Variants in CCSER1 observed in about 807,000 individuals in gnomAD.
The protein encoded by CCSER1 is serine-rich coiled-coil domain-containing protein 1.
CCSER1 carries 41 observed loss-of-function variants against 82.0 expected under a neutral mutation model. The observed-to-expected ratio is 0.50, with a 90% CI of 0.39 to 0.65. CCSER1 has a LOEUF of 0.65. Among genes scored for constraint, CCSER1 ranks in the 30% least tolerant of loss-of-function variants. The pLI, the probability that CCSER1 is intolerant of heterozygous loss-of-function variation, is 0.00. For synonymous variants in CCSER1, 414 were observed against 383.9 expected (o/e 1.08, Z -0.92); for missense variants, 1,119 against 1,064.2 (o/e 1.05, Z -0.72).
intron 1 of CCSER1, among the ~76,000 whole-genome samples, chr4:90,170,105 C>G (rs1731347900): frequency 6.6e-6 from 1 of 151,964 alleles, no homozygotes; most frequent in Non-Finnish European, 1.5e-5. Flanking sequence ...GTCCCAGCAT[C>G]TTGACTCCTA....
intron 10 of CCSER1, among the ~76,000 whole-genome samples, chr4:91,166,263 CTTA>C (rs1463641538): frequency 2.6e-5 from 4 of 152,052 alleles, no homozygotes; most frequent in Admixed American, 6.5e-5. Context: ...TAAATTTTGT[CTTA>C]TAAGTTGTCA....
chr4:91,401,271 C>T (rs1752298187), intron 10 of CCSER1, among the ~76,000 whole-genome samples: 1 of 148,416 alleles, frequency 6.7e-6, no homozygotes, highest in African/African-American at 2.5e-5. Context: ...TAGTTATATA[C>T]TATGCTACAT....
intron 6 of CCSER1, among the ~76,000 whole-genome samples, chr4:90,675,723 TTTTTTTTTTTTTTTTTA>T (rs1733762553): frequency 9.5e-4 from 1 of 1,048 alleles, no homozygotes; most frequent in Non-Finnish European, 2.3e-3. Flanking sequence ...TTTTTTTTTT[TTTTTTTTTTTTTTTTTA>T]TTATACTCTA....
chr4:90,650,604 T>C lies in CCSER1; in HGVS notation c.1932+22372T>C, dbSNP rs183139563. 5.4e-4 allele frequency among the ~76,000 whole-genome samples: 82 copies of C among 152,332 alleles called. 1 individual carries two copies. The East Asian group carries it at 0.011, about 21-fold the overall frequency. ...TCTTCAACAGCTAATATCTACTCTT[T>C]AATATGTTACCCCACTTTACACTCA... is the stretch of plus-strand genomic sequence containing the variant. On this transcript the variant is annotated intron_variant, in intron 6 of 10. Transcript: ENST00000509176.
intron 3 of CCSER1, among the ~76,000 whole-genome samples, chr4:90,373,926 A>G (rs1032314949): frequency 1.3e-5 from 2 of 152,150 alleles, no homozygotes. Context: ...CCCCCTTTGC[A>G]TTCCCCTGGG....
intron 9 of CCSER1, among the ~76,000 whole-genome samples, chr4:91,057,272 T>G (rs1300636582): frequency 6.6e-6 from 1 of 152,098 alleles, no homozygotes; most frequent in Non-Finnish European, 1.5e-5. Flanking sequence ...AATTCATGGT[T>G]CAAGCTTTCC....
chr4:90,247,974 C>CA (rs1162254881), intron 1 of CCSER1, among the ~76,000 whole-genome samples: 1 of 151,492 alleles, frequency 6.6e-6, no homozygotes. Flanking sequence ...TTTTTTGGGT[C>CA]AAAAAATACG....
At chr4:90,523,354 A>C (rs1213585908) in intron 5 of CCSER1, among the ~76,000 whole-genome samples, 1 of 152,082 alleles carries the variant, frequency 6.6e-6, no homozygotes, top group Non-Finnish European at 1.5e-5. Context: ...ATTTGTTTCT[A>C]TTTGTATTGT....
At chr4:90,369,436 TA>T (rs1262245981) in intron 3 of CCSER1, among the ~76,000 whole-genome samples, 1 of 127,466 alleles carries the variant, frequency 7.8e-6, no homozygotes, top group Non-Finnish European at 1.7e-5. Context: ...CACAGAGGTA[TA>T]AAAAAAGAGA....
intron 10 of CCSER1, among the ~76,000 whole-genome samples, chr4:91,415,812 G>A (rs1373824339): frequency 6.6e-6 from 1 of 152,126 alleles, no homozygotes; most frequent in African/African-American, 2.4e-5. Context: ...TCGTTTGCCA[G>A]TATTTTAATA....
At chr4:91,518,836 G>A (rs183401772) in intron 10 of CCSER1, among the ~76,000 whole-genome samples, 1 of 152,288 alleles carries the variant, frequency 6.6e-6, no homozygotes, top group African/African-American at 2.4e-5. Context: ...GGTATGCTCA[G>A]CCATGGGTTG....
At chr4:91,283,128 A>T (rs1354855680) in intron 10 of CCSER1, among the ~76,000 whole-genome samples, 2 of 152,144 alleles carry the variant, frequency 1.3e-5, no homozygotes, top group African/African-American at 4.8e-5. Context: ...TAATTCTGTG[A>T]CAGAGGTCAT....
chr4:91,360,004 T>A (rs1411100617), intron 10 of CCSER1, among the ~76,000 whole-genome samples: 5 of 151,892 alleles, frequency 3.3e-5, no homozygotes, highest in African/African-American at 4.8e-5. Context: ...TTTACACAAT[T>A]ATAAAATTTC....
At chr4:90,336,965 T>C (rs759106696) in intron 3 of CCSER1, among the ~76,000 whole-genome samples, 10 of 152,188 alleles carry the variant, frequency 6.6e-5, no homozygotes, top group Non-Finnish European at 1.5e-4. Flanking sequence ...ACAAATGGTT[T>C]ATTTACAAAA....
At chr4:90,214,126 A>T (rs1309458085) in intron 1 of CCSER1, among the ~76,000 whole-genome samples, 4 of 152,190 alleles carry the variant, frequency 2.6e-5, no homozygotes, top group African/African-American at 9.6e-5. Context: ...GAGGCGATTA[A>T]TTTGCTGAGA....
chr4:91,171,444 C>T (rs192779928), intron 10 of CCSER1, among the ~76,000 whole-genome samples: 1 of 152,176 alleles, frequency 6.6e-6, no homozygotes, highest in African/African-American at 2.4e-5. Context: ...TTGGCTGAGT[C>T]ACAAAGTAAG....
intron 9 of CCSER1, among the ~76,000 whole-genome samples, chr4:90,986,315 T>G (rs1434896603): frequency 6.6e-6 from 1 of 151,910 alleles, no homozygotes; most frequent in East Asian, 1.9e-4. Flanking sequence ...GTTTTAACCT[T>G]GATGTTTTTA....
chr4:90,259,754 T>C (rs1440874471), intron 1 of CCSER1, among the ~76,000 whole-genome samples: 4 of 152,200 alleles, frequency 2.6e-5, no homozygotes, highest in Admixed American at 2.6e-4. Context: ...ATGTGATATA[T>C]CACATTTATT....
chr4:90,797,550 A>G (rs551512882), intron 7 of CCSER1, among the ~76,000 whole-genome samples: 16 of 152,196 alleles, frequency 1.1e-4, no homozygotes, highest in Middle Eastern at 6.8e-3. Flanking sequence ...CTACTTGTTT[A>G]TGTGGTTGCT....
Sources: allele counts gnomAD v4.1 joint callset (sites outside exome capture counted in the v4.1 genomes callset), GRCh38; gene constraint gnomAD v4.1.1; transcripts MANE v1.5; gene names NCBI Gene and HGNC (gene_info 2026-07-23, HGNC 2026-07-21).